Variants in FXYD6 observed in about 807,000 individuals in gnomAD.
FXYD6 encodes the protein FXYD domain containing ion transport regulator 6.
FXYD6 carries 7 observed loss-of-function variants against 16.7 expected under a neutral mutation model. That is an observed-to-expected ratio of 0.42 (90% CI 0.24 to 0.79). The LOEUF (loss-of-function observed/expected upper bound fraction) is 0.79, where lower values mean the gene tolerates loss of function less well. Among genes scored for constraint, FXYD6 ranks in the 30% least tolerant of loss-of-function variants. The probability of loss-of-function intolerance (pLI) is 0.28; values close to 1 mark genes in which losing one functional copy is unlikely to be tolerated. For synonymous variants in FXYD6, 49 were observed against 43.0 expected, an observed-to-expected ratio of 1.14 and a Z score of -0.54; for missense variants, 111 against 116.2, an observed-to-expected ratio of 0.95 and a Z score of 0.21.
At chr11:117,850,135 A>G (rs143414457) in intron 1 of FXYD6, among the ~76,000 whole-genome samples, 4 of 152,030 alleles carry the variant, frequency 2.6e-5, no homozygotes, top group African/African-American at 9.6e-5. Context: ...CACTTCCCTT[A>G]ACAGTAAATA....
At chr11:117,864,310 T>G (rs145579705) in intron 1 of FXYD6, among the ~76,000 whole-genome samples, 2 of 152,370 alleles carry the variant, frequency 1.3e-5, no homozygotes, top group East Asian at 3.9e-4. Context: ...AAAAGATTTT[T>G]GACTTGGGTG....
At chr11:117,843,789 AGAG>A (rs1311245844) in intron 1 of FXYD6, 2 of 152,198 alleles carry the variant, frequency 1.3e-5, no homozygotes, top group African/African-American at 2.4e-5. Flanking sequence ...CTGCTTCCCC[AGAG>A]GATGCGGAGG....
intron 4 of FXYD6, 72 bp from the exon 5 acceptor site, chr11:117,841,256 T>C: frequency 6.2e-7 from 1 of 1,607,946 alleles, no homozygotes; most frequent in Non-Finnish European, 8.5e-7. Flanking sequence ...TCTGTGCAGG[T>C]TGTGGGACTA....
At chr11:117,874,322 G>C (rs549904364) in intron 1 of FXYD6, among the ~76,000 whole-genome samples, 232 of 152,272 alleles carry the variant, frequency 1.5e-3, no homozygotes, top group African/African-American at 5.3e-3. Flanking sequence ...TCCCCCAGGC[G>C]CCTACCGTCT....
intron 1 of FXYD6, among the ~76,000 whole-genome samples, chr11:117,843,459 C>G (rs557240650): frequency 1.3e-5 from 2 of 152,208 alleles, no homozygotes; most frequent in Non-Finnish European, 1.5e-5. Context: ...CTGTGTCCTT[C>G]TCTCCAGGCC....
intron 1 of FXYD6, among the ~76,000 whole-genome samples, chr11:117,863,072 G>A (rs1011522530): frequency 6.6e-6 from 1 of 152,146 alleles, no homozygotes; most frequent in Non-Finnish European, 1.5e-5. Flanking sequence ...TGGGATGTTG[G>A]TTATTACTGC....
chr11:117,871,320 C>T (rs564781508), intron 1 of FXYD6, among the ~76,000 whole-genome samples: 49 of 152,202 alleles, frequency 3.2e-4, no homozygotes, highest in Non-Finnish European at 6.6e-4. Context: ...GTGTCTACAC[C>T]TCCTGGTGAT....
chr11:117,873,857 C>T (rs2057194308), intron 1 of FXYD6, among the ~76,000 whole-genome samples: 1 of 152,170 alleles, frequency 6.6e-6, no homozygotes, highest in Non-Finnish European at 1.5e-5. Context: ...TCCAAGAAAA[C>T]ATAGTGAAGC....
chr11:117,848,202 C>T (rs2056518311), intron 1 of FXYD6, among the ~76,000 whole-genome samples: 1 of 152,182 alleles, frequency 6.6e-6, no homozygotes, highest in African/African-American at 2.4e-5. Flanking sequence ...AGTCTTACTA[C>T]TGATTTTAAA....
intron 1 of FXYD6, among the ~76,000 whole-genome samples, chr11:117,859,484 G>T (rs1026945392): frequency 2.0e-5 from 3 of 152,148 alleles, no homozygotes; most frequent in Non-Finnish European, 4.4e-5. Context: ...CCAGTCTGGG[G>T]GTCTGTATTG....
chr11:117,850,563 T>C (rs2056585971), intron 1 of FXYD6, among the ~76,000 whole-genome samples: 1 of 152,278 alleles, frequency 6.6e-6, no homozygotes, highest in South Asian at 2.1e-4. Flanking sequence ...TGACTATTGA[T>C]GTAGTTGGTC....
intron 1 of FXYD6, among the ~76,000 whole-genome samples, chr11:117,866,813 C>T (rs1221610626): frequency 6.6e-6 from 1 of 152,210 alleles, no homozygotes; most frequent in African/African-American, 2.4e-5. Flanking sequence ...GAGCTCAGCT[C>T]AGGGTGGGTG....
rs190856690 is a variant in FXYD6, at chr11:117,861,068, T to C, written c.-6+15524A>G. On this transcript the variant is annotated intron_variant, in intron 1 of 7. Coordinates refer to ENST00000526014, the MANE Select transcript of FXYD6 (RefSeq NM_022003.4). ...GGCCTCGGGAGCGTTACTTGGCTTC[T>C]CAGAGTCTTGGCTTCTGCAACTGCA... 6.9e-4 allele frequency among the ~76,000 whole-genome samples: 105 copies of C among 152,324 alleles called. 2 individuals are homozygous for C. The East Asian group carries it at 0.017, about 24-fold the overall frequency.
At chr11:117,842,987 G>A (rs975569863) in intron 1 of FXYD6, among the ~76,000 whole-genome samples, 4 of 152,028 alleles carry the variant, frequency 2.6e-5, no homozygotes, top group South Asian at 2.1e-4. Flanking sequence ...AGGCTAGAGC[G>A]TAGTGGCATG....
intron 1 of FXYD6, among the ~76,000 whole-genome samples, chr11:117,844,521 G>T (rs965665955): frequency 6.6e-6 from 1 of 152,002 alleles, no homozygotes; most frequent in Non-Finnish European, 1.5e-5. Flanking sequence ...TTGAGACTGA[G>T]TCTCCCTGTG....
In FXYD6 at chr11:117,837,652, A is replaced by C. The variant is rs2134124382; in HGVS notation, c.*647T>G. On this transcript the variant is annotated 3_prime_UTR_variant, in exon 8 of 8. Transcript: ENST00000526014. This position sits in a 1 kb window ranked among gnomAD's most constrained non-coding sequence, Gnocchi z 4.4. ...CCTGCCTGACGTCAACGCTGGGCTC[A>C]CCAGCTCCTTGCTTTGTATCTCCAG... The C allele has an allele frequency of 6.4e-6, 1 of 155,644 alleles. No individual in the cohort carries two copies. Among genetic ancestry groups the C allele is most frequent in the Non-Finnish European group, 1.4e-5 (1 of 69,878 alleles). 9.6% of individuals were successfully genotyped at this position (155,644 alleles called of 1,614,324 possible).
chr11:117,838,917 A>G (rs2056268182), intron 7 of FXYD6: 1 of 154,934 alleles, frequency 6.5e-6, no homozygotes, highest in African/African-American at 2.4e-5. Context: ...TTACCTTACA[A>G]TGTGAGATAA....
In FXYD6 at chr11:117,865,697, G is replaced by A. The variant is rs144017170; in HGVS notation, c.-6+10895C>T. On this transcript the variant is annotated intron_variant, in intron 1 of 7. Coordinates refer to ENST00000526014, the MANE Select transcript of FXYD6 (RefSeq NM_022003.4). ...TCCCAGCACTTTGGGAGACCAAAGC[G>A]GGTGGATCACCTGAGGTCAAGAGTT... Among the ~76,000 whole-genome samples, 64 of 152,220 alleles carry A rather than the reference G, an allele frequency of 4.2e-4. 3 individuals carry two copies. In the East Asian group the frequency reaches 9.3e-3, roughly 22 times the overall value.
At chr11:117,840,767 A>G (rs968963930) in intron 5 of FXYD6, among the ~76,000 whole-genome samples, 3 of 152,120 alleles carry the variant, frequency 2.0e-5, no homozygotes, top group African/African-American at 7.2e-5. Flanking sequence ...CCTCATGAAC[A>G]GGTGACAAGT....
Sources: gnomAD v4.1 joint callset for allele counts (sites outside exome capture counted in the v4.1 genomes callset) on GRCh38, gnomAD v4.1.1 for gene constraint, Gnocchi (gnomAD v3.1) non-coding constraint, MANE v1.5 for transcripts, NCBI Gene and HGNC (gene_info 2026-07-23, HGNC 2026-07-21) for gene names.